Variants in KIF5B observed in about 807,000 individuals in gnomAD.
KIF5B encodes kinesin-1 heavy chain.
Under a neutral mutation model 132.8 loss-of-function variants are expected in KIF5B, and 49 were observed. That is an observed-to-expected ratio of 0.37 (90% CI 0.29 to 0.47). KIF5B has a LOEUF of 0.47. Among genes scored for constraint, KIF5B ranks in the 20% least tolerant of loss-of-function variants. KIF5B has a pLI of 1.00. For missense variants in KIF5B, 780 were observed against 1,144.0 expected (o/e 0.68, Z 4.59); for synonymous variants, 355 against 369.4 (o/e 0.96, Z 0.45).
chr10:32,030,617 T>C (rs1417479122), intron 14 of KIF5B, among the ~76,000 whole-genome samples: 1 of 152,204 alleles, frequency 6.6e-6, no homozygotes, highest in Non-Finnish European at 1.5e-5. Flanking sequence ...AAACATAAAT[T>C]ATGTTAAGTT....
chr10:32,034,948 C>T (rs1413285241), intron 10 of KIF5B, 110 bp from the exon 11 acceptor site: 1 of 759,750 alleles, frequency 1.3e-6, no homozygotes, highest in East Asian at 3.3e-5. Context: ...GTCCAGTAAT[C>T]TCTTAGACTA....
At chr10:32,030,033 G>A (rs2132596018) in intron 14 of KIF5B, among the ~76,000 whole-genome samples, 1 of 152,348 alleles carries the variant, frequency 6.6e-6, no homozygotes, top group East Asian at 1.9e-4. Flanking sequence ...AGGGAAATAA[G>A]TGGTGGACAT....
intron 15 of KIF5B, 92 bp downstream of exon 15, chr10:32,028,336 G>A: frequency 1.0e-6 from 1 of 993,070 alleles, no homozygotes; most frequent in Non-Finnish European, 1.5e-6. Context: ...ATGAGATCAT[G>A]AATACGAAAA....
chr10:32,035,886 T>C lies in KIF5B; in HGVS notation c.816+4A>G. ...ACAGGGAGATAGAAGACATGTATAC[T>C]CACACTACCCTCAGCCAAAGCAGAA... On this transcript the variant is annotated splice_donor_region_variant and intron_variant, in intron 9 of 25. Transcript: ENST00000302418. 1 of 1,604,674 alleles carries C rather than the reference T, an allele frequency of 6.2e-7. No individual in the cohort carries two copies. Among genetic ancestry groups the C allele is most frequent in the Non-Finnish European group, 8.5e-7 (1 of 1,175,326 alleles).
chr10:32,032,849 A>C, intron 12 of KIF5B, 75 bp from the exon 13 acceptor site: 2 of 1,002,632 alleles, frequency 2.0e-6, no homozygotes, highest in Non-Finnish European at 3.2e-6. Context: ...AGGTTATAAG[A>C]TTACTACTCC....
chr10:32,033,726 AG>A, intron 12 of KIF5B, 118 bp downstream of exon 12: 1 of 601,592 alleles, frequency 1.7e-6, no homozygotes, highest in South Asian at 2.3e-5. Context: ...ACAGAAATCA[AG>A]GAAGATGCAT....
chr10:32,032,661 A>G, intron 13 of KIF5B, 45 bp downstream of exon 13: 1 of 1,474,022 alleles, frequency 6.8e-7, no homozygotes, highest in African/African-American at 1.4e-5. Context: ...AGAAAACAAA[A>G]CTATAAAGCT....
intron 12 of KIF5B, 102 bp from the exon 13 acceptor site, chr10:32,032,876 A>G (rs1841419002): frequency 1.2e-6 from 1 of 837,046 alleles, no homozygotes; most frequent in African/African-American, 1.7e-5. Context: ...ATATTTCAAA[A>G]CCATTTCTCT....
chr10:32,019,043 T>C (rs12572072), intron 20 of KIF5B, among the ~76,000 whole-genome samples: 41,924 of 152,156 alleles, frequency 0.28, 5,932 homozygotes, highest in East Asian at 0.38. Context: ...TCTATTGTTA[T>C]ACATTCCATA....
At chr10:32,038,054 G>A in intron 6 of KIF5B, 109 bp downstream of exon 6, 1 of 590,744 alleles carries the variant, frequency 1.7e-6, no homozygotes, top group Non-Finnish European at 3.0e-6. Context: ...AGGTTGCAGT[G>A]AGCCGAGATT....
At chr10:32,029,525 T>C (rs527309185) in intron 14 of KIF5B, among the ~76,000 whole-genome samples, 1 of 152,290 alleles carries the variant, frequency 6.6e-6, no homozygotes, top group Non-Finnish European at 1.5e-5. Flanking sequence ...ATCAGTAGAG[T>C]ATGTATCCAC....
chr10:32,054,403 A>G (rs893816865), intron 1 of KIF5B, among the ~76,000 whole-genome samples: 6 of 152,236 alleles, frequency 3.9e-5, no homozygotes, highest in African/African-American at 1.4e-4. Context: ...TTTACACAGT[A>G]ATAGTTGGCA....
rs368618931 is a variant in KIF5B, at chr10:32,015,631, T to C, written c.2790A>G (p.Pro930=). 6.2e-7 allele frequency: 1 copy of C among 1,613,672 alleles called. No individual in the cohort carries two copies. The highest frequency in any genetic ancestry group is 1.1e-5 in the South Asian group (1 of 91,040). The change falls in exon 25 of 26, where the codon CCA becomes CCG. Residue 930 remains proline, a synonymous_variant. Coordinates refer to ENST00000302418, the MANE Select transcript of KIF5B (RefSeq NM_004521.3). ...CACTTGGGTGAGTTGGAGAAGCTGC[T>C]GGATGTTGCCCGGGACGAATAGGTT... ...IAKPIRPGQH[P]AASPTHPSAI... is the part of the protein sequence containing the mutation.
At chr10:32,055,607 C>CT (rs1392333862) in intron 1 of KIF5B, among the ~76,000 whole-genome samples, 2 of 152,114 alleles carry the variant, frequency 1.3e-5, no homozygotes, top group East Asian at 3.9e-4. Flanking sequence ...GGGGAGTGTC[C>CT]AGGGCTGAGG....
At chr10:32,055,618 C>A (rs1334951590) in intron 1 of KIF5B, among the ~76,000 whole-genome samples, 1 of 152,178 alleles carries the variant, frequency 6.6e-6, no homozygotes, top group African/African-American at 2.4e-5. Flanking sequence ...AGGGCTGAGG[C>A]TGGGCGCTTC....
chr10:32,011,954 G>A (rs1297172507), intron 25 of KIF5B, among the ~76,000 whole-genome samples: 1 of 151,934 alleles, frequency 6.6e-6, no homozygotes, highest in Admixed American at 6.6e-5. Context: ...GAGAGGAATA[G>A]GGATAAACAA....
Position 32,055,901 on chromosome 10 carries a change from G to C in KIF5B, c.73C>G (p.Arg25Gly), listed in dbSNP as rs1841755848. 1.9e-6 allele frequency: 3 copies of C among 1,612,820 alleles called. No homozygotes were observed. Among genetic ancestry groups the C allele is most frequent in the Non-Finnish European group, 2.5e-6 (3 of 1,179,860 alleles). ...AACTTGGCGATGTACTTGTCGCCGC[G>C]GTTCACTTCAGACTCGTTGAGAGGT... Reference protein sequence around the residue: ...FRPLNESEVNRGDKYIAKFQG... With the variant: ...FRPLNESEVNGGDKYIAKFQG... Residue 25 changes from arginine to glycine, a missense_variant, in exon 1 of 26, where the codon CGC becomes GGC. Physicochemically the swap from Arg to Gly is moderately radical, Grantham distance 125. Coordinates refer to ENST00000302418, the MANE Select transcript of KIF5B (RefSeq NM_004521.3).
chr10:32,009,157 TAGACTC>T lies in KIF5B; in HGVS notation c.*2374_*2379del, dbSNP rs1257265320. 2 of 152,216 alleles carry T rather than the reference TAGACTC, an allele frequency of 1.3e-5. No homozygotes were observed. Among genetic ancestry groups the T allele is most frequent in the East Asian group, 3.8e-4 (2 of 5,200 alleles). The allele number at this position is 152,216 out of a possible 1,614,324, so 9.4% of individuals were successfully genotyped here. On this transcript the variant is annotated 3_prime_UTR_variant, in exon 26 of 26. Coordinates refer to ENST00000302418, the MANE Select transcript of KIF5B (RefSeq NM_004521.3). ...AAAATAAACCAACATATTCCACAGG[TAGACTC>T]AGACTCTCTTCTGTCACCTCATGTC...
intron 1 of KIF5B, among the ~76,000 whole-genome samples, chr10:32,052,120 C>A (rs765031160): frequency 6.6e-6 from 1 of 152,120 alleles, no homozygotes; most frequent in Non-Finnish European, 1.5e-5. Flanking sequence ...GAGTATGCAC[C>A]GACCAGACTG....
Sources: gnomAD v4.1 joint callset for allele counts (sites outside exome capture counted in the v4.1 genomes callset) on GRCh38, gnomAD v4.1.1 for gene constraint, MANE v1.5 for transcripts, NCBI Gene and HGNC (gene_info 2026-07-23, HGNC 2026-07-21) for gene names.